The following FHL2 variants were observed in gnomAD, a reference collection of about 807,000 sequenced individuals.
FHL2 encodes four and a half LIM domains 2, also known as four and a half LIM domains protein 2.
FHL2 carries 20 observed loss-of-function variants against 32.7 expected under a neutral mutation model. That is an observed-to-expected ratio of 0.61 (90% CI 0.43 to 0.89). FHL2 has a LOEUF of 0.89. Ranked by LOEUF, FHL2 falls within the 40% of genes least tolerant of loss-of-function variation. The pLI is 0.00. For synonymous variants in FHL2, 123 were observed against 128.1 expected, an observed-to-expected ratio of 0.96 and a Z score of 0.27; for missense variants, 311 against 358.6, an observed-to-expected ratio of 0.87 and a Z score of 1.07.
intron 1 of FHL2, among the ~76,000 whole-genome samples, chr2:105,413,597 C>T (rs1019985500): frequency 6.6e-6 from 1 of 152,168 alleles, no homozygotes; most frequent in Admixed American, 6.5e-5. Flanking sequence ...CCTCAGCCTC[C>T]CGACAAGCTG....
intron 2 of FHL2, among the ~76,000 whole-genome samples, chr2:105,388,323 G>T (rs2104595143): frequency 6.6e-6 from 1 of 152,278 alleles, no homozygotes; most frequent in South Asian, 2.1e-4. Context: ...TGAATACGCA[G>T]TGTGAATAAG....
chr2:105,410,217 C>T (rs910441015), intron 1 of FHL2, among the ~76,000 whole-genome samples: 7 of 152,204 alleles, frequency 4.6e-5, no homozygotes, highest in East Asian at 3.8e-4. Context: ...AGGCGGAGGC[C>T]GGAGAGGCAG....
At chr2:105,372,026 C>T (rs993212473) in intron 4 of FHL2, among the ~76,000 whole-genome samples, 7 of 152,182 alleles carry the variant, frequency 4.6e-5, no homozygotes, top group Admixed American at 4.6e-4. Flanking sequence ...CACCATGCAG[C>T]CCTTCCAGCT....
chr2:105,379,109 T>G (rs1258370714), intron 3 of FHL2, among the ~76,000 whole-genome samples: 5 of 152,200 alleles, frequency 3.3e-5, no homozygotes. Context: ...AATGCCAGAT[T>G]GACTAAACTT....
At chr2:105,430,897 T>C (rs898191699) in intron 1 of FHL2, among the ~76,000 whole-genome samples, 18 of 152,216 alleles carry the variant, frequency 1.2e-4, no homozygotes, top group Admixed American at 3.9e-4. Context: ...CATTAGGCCA[T>C]ACCCATTATG....
intron 1 of FHL2, among the ~76,000 whole-genome samples, chr2:105,417,507 A>T (rs760331143): frequency 6.6e-6 from 1 of 151,910 alleles, no homozygotes; most frequent in Non-Finnish European, 1.5e-5. Context: ...AACATGGTGA[A>T]ACTCAGTCTC....
intron 5 of FHL2, among the ~76,000 whole-genome samples, chr2:105,366,683 T>C (rs1263828114): frequency 6.6e-6 from 1 of 152,218 alleles, no homozygotes; most frequent in Non-Finnish European, 1.5e-5. Flanking sequence ...TTCCCTTTCT[T>C]TCTTTAACCC....
At chr2:105,433,686 T>C (rs2104686667) in intron 1 of FHL2, among the ~76,000 whole-genome samples, 1 of 152,220 alleles carries the variant, frequency 6.6e-6, no homozygotes, top group East Asian at 1.9e-4. Context: ...ACCCTGTACA[T>C]CCTGAGTGTG....
chr2:105,399,743 A>G, upstream of FHL2: 1 of 940,356 alleles, frequency 1.1e-6, no homozygotes, highest in Non-Finnish European at 1.5e-6. Context: ...GACAGATGGC[A>G]CTGTTCAGCA....
chr2:105,376,938 T>C (rs1367305727), intron 3 of FHL2, among the ~76,000 whole-genome samples: 1 of 152,164 alleles, frequency 6.6e-6, no homozygotes, highest in Middle Eastern at 3.2e-3. Context: ...TACTGCATGA[T>C]CTCACACATG....
intron 1 of FHL2, among the ~76,000 whole-genome samples, chr2:105,432,216 C>G (rs1684457397): frequency 6.6e-6 from 1 of 152,192 alleles, no homozygotes; most frequent in Non-Finnish European, 1.5e-5. Flanking sequence ...ATTTGAGTCC[C>G]AACACATTTG....
At position 105,429,945 on chromosome 2, in the gene FHL2, G is replaced by A. The variant is rs371945757; in HGVS notation, c.-25+8454C>T. Among the ~76,000 whole-genome samples, 11 of 152,264 alleles carry A rather than the reference G, an allele frequency of 7.2e-5. No homozygotes were observed. In the South Asian group the frequency reaches 1.2e-3, roughly 17 times the overall value. ...CCTCCTTGAATCCCTGCAAGTGACC[G>A]ACAAGGTTACTGTTATTATTCCCAT... On this transcript the variant is annotated intron_variant, in intron 1 of 5. Transcript: ENST00000393352.
upstream of FHL2, among the ~76,000 whole-genome samples, chr2:105,400,989 A>G (rs955463908): frequency 2.6e-5 from 4 of 151,988 alleles, no homozygotes; most frequent in Non-Finnish European, 4.4e-5. Flanking sequence ...ACAAAGAAAA[A>G]CAAGAGAGAT....
chr2:105,420,990 A>T (rs545515457), intron 1 of FHL2, among the ~76,000 whole-genome samples: 2 of 152,204 alleles, frequency 1.3e-5, no homozygotes, highest in East Asian at 3.9e-4. Flanking sequence ...GTTTTAGGAG[A>T]AAACGGGGCT....
At chr2:105,376,443 T>C (rs992330895) in intron 3 of FHL2, 9 of 152,218 alleles carry the variant, frequency 5.9e-5, no homozygotes, top group African/African-American at 2.2e-4. Context: ...AGTATTGCCT[T>C]TGTTTAGACT....
chr2:105,433,057 G>C (rs955717737), intron 1 of FHL2, among the ~76,000 whole-genome samples: 1 of 152,164 alleles, frequency 6.6e-6, no homozygotes, highest in Non-Finnish European at 1.5e-5. Flanking sequence ...TACAGTGCTA[G>C]CTCTCAGGGT....
At chr2:105,408,449 C>A (rs894094932) in intron 1 of FHL2, among the ~76,000 whole-genome samples, 1 of 152,236 alleles carries the variant, frequency 6.6e-6, no homozygotes, top group African/African-American at 2.4e-5. Flanking sequence ...CCAACCAAGA[C>A]TGGAACCAGC....
At chr2:105,412,823 C>T (rs1449085435) in intron 1 of FHL2, among the ~76,000 whole-genome samples, 1 of 152,014 alleles carries the variant, frequency 6.6e-6, no homozygotes, top group African/African-American at 2.4e-5. Context: ...GTGTGTTGCA[C>T]GTGGCAGCAC....
intron 1 of FHL2, among the ~76,000 whole-genome samples, chr2:105,426,496 G>T (rs1276124652): frequency 2.6e-5 from 4 of 152,144 alleles, no homozygotes; most frequent in Non-Finnish European, 5.9e-5. Flanking sequence ...ATCCTGCCTA[G>T]GGTCGCTCTC....
Sources: gnomAD v4.1 joint callset for allele counts (sites outside exome capture counted in the v4.1 genomes callset) on GRCh38, gnomAD v4.1.1 for gene constraint, MANE v1.5 for transcripts, NCBI Gene and HGNC (gene_info 2026-07-23, HGNC 2026-07-21) for gene names.